The following PMPCB variants were observed in gnomAD, a reference collection of about 807,000 sequenced individuals.
The protein encoded by PMPCB is mitochondrial-processing peptidase subunit beta.
A neutral mutation model predicts 61.5 loss-of-function variants in PMPCB; 46 were observed. That is an observed-to-expected ratio of 0.75 (90% CI 0.59 to 0.96). The LOEUF (loss-of-function observed/expected upper bound fraction) is 0.96, where lower values mean the gene tolerates loss of function less well. PMPCB is among the 40% of genes least tolerant of loss of function. PMPCB has a pLI of 0.00. For missense variants in PMPCB, 590 were observed against 602.4 expected (o/e 0.98, Z 0.22); for synonymous variants, 191 against 201.6 (o/e 0.95, Z 0.44).
chr7:103,317,095 G>C (rs1818113531), downstream of PMPCB: 1 of 1,221,384 alleles, frequency 8.2e-7, no homozygotes, highest in East Asian at 2.3e-5. Flanking sequence ...GGGCTTTGTG[G>C]TCCTCAACTC....
chr7:103,314,358 A>C lies in PMPCB; in HGVS notation c.*2087A>C. Reference sequence around the variant, plus strand: ...TGGTGCCAGCTTGCTGTTTAATGGTACAACTGAAGAGGAAGGAGCCTTCCC... The same window carrying C: ...TGGTGCCAGCTTGCTGTTTAATGGTCCAACTGAAGAGGAAGGAGCCTTCCC... On this transcript the variant is annotated 3_prime_UTR_variant, in exon 13 of 13. Coordinates refer to ENST00000249269, the MANE Select transcript of PMPCB (RefSeq NM_004279.3). The C allele has an allele frequency of 1.0e-6, 1 of 985,434 alleles. No individual in the cohort carries two copies. Among genetic ancestry groups the C allele is most frequent in the Non-Finnish European group, 1.2e-6 (1 of 829,918 alleles). The allele number at this position is 985,434 out of a possible 1,614,324, so 61.0% of individuals were successfully genotyped here.
intron 12 of PMPCB, chr7:103,327,389 G>C (rs1818763440): frequency 8.7e-7 from 1 of 1,149,042 alleles, no homozygotes; most frequent in African/African-American, 1.6e-5. Flanking sequence ...CTGTTAAAAT[G>C]CAGATTTTAA....
At position 103,297,493 on chromosome 7, in the gene PMPCB, T is replaced by C; in HGVS notation, c.34T>C (p.Ser12Pro). The C allele has an allele frequency of 1.9e-6, 3 of 1,572,776 alleles. No individual in the cohort carries two copies. The highest frequency in any genetic ancestry group is 2.6e-6 in the Non-Finnish European group (3 of 1,158,826). The change falls in exon 1 of 13, where the codon TCC (serine) becomes CCC (proline). Residue 12 changes from serine to proline, a missense_variant. Coordinates refer to ENST00000249269, the MANE Select transcript of PMPCB (RefSeq NM_004279.3). ...TGCGGCGGCTCGAGTGGTGTTGTCA[T>C]CCGCGGCGCGGCGGCGGCTCTGGGG... ...AAAAARVVLS[S>P]AARRRLWGFS...
Position 103,313,959 on chromosome 7 carries a change from T to C in PMPCB, c.*1688T>C, listed in dbSNP as rs546614936. The C allele has an allele frequency of 3.0e-6, 3 of 985,406 alleles. No individual in the cohort carries two copies. The highest frequency in any genetic ancestry group is 2.3e-4 in the East Asian group (2 of 8,818). 61.0% of individuals were successfully genotyped at this position (985,406 alleles called of 1,614,324 possible). A position where few individuals can be genotyped will look rare whatever the true frequency, so the allele number is the denominator to read the frequency against. ...CAGTAGCCTGACTACTACTAGAAAC[T>C]GCGGCCTGTGAGATCTGTTAAAAGT... On this transcript the variant is annotated 3_prime_UTR_variant, in exon 13 of 13. Transcript: ENST00000249269.
At chr7:103,340,974 T>G in the PMPCB span, among the ~76,000 whole-genome samples, 2 of 152,160 alleles carry the variant, frequency 1.3e-5, no homozygotes, top group African/African-American at 4.8e-5. Flanking sequence ...GACCACACAC[T>G]CTAGCAGGTC....
At chr7:103,324,627 A>G (rs1818604273) in intron 12 of PMPCB, 17 of 1,252,932 alleles carry the variant, frequency 1.4e-5, no homozygotes, top group Non-Finnish European at 1.8e-5. Flanking sequence ...TCAACAAACA[A>G]TTTAATTTAT....
chr7:103,305,828 C>T (rs900280325), intron 6 of PMPCB, among the ~76,000 whole-genome samples: 1 of 152,154 alleles, frequency 6.6e-6, no homozygotes, highest in Admixed American at 6.5e-5. Flanking sequence ...CTCTTGCAGA[C>T]TTGGGCTTAA....
rs1201816294 is a variant in PMPCB at position 103,304,507 on chromosome 7, T to G, written c.736+17T>G. On this transcript the variant is annotated intron_variant, in intron 6 of 12. Transcript: ENST00000249269. ...CTGCTGGAGGTTAGTCAATTTAAAT[T>G]TCTACAAATGTTTTAAACACAGTTG... is the stretch of plus-strand genomic sequence containing the variant. The G allele has an allele frequency of 3.3e-6, 5 of 1,535,060 alleles. No homozygotes were observed. The East Asian group carries it at 1.1e-4, about 34-fold the overall frequency.
chr7:103,314,148 A>T lies in PMPCB; in HGVS notation c.*1877A>T. ...TGAAGGTAGCTTTTAAGTTCTAGGA[A>T]GTCTTTTGTTGAATTTCCTTGTATT... On this transcript the variant is annotated 3_prime_UTR_variant, in exon 13 of 13. Coordinates refer to ENST00000249269, the MANE Select transcript of PMPCB (RefSeq NM_004279.3). The T allele has an allele frequency of 1.0e-6, 1 of 985,444 alleles. No homozygotes were observed. The highest frequency in any genetic ancestry group is 1.2e-6 in the Non-Finnish European group (1 of 829,924). 61.0% of individuals were successfully genotyped at this position (985,444 alleles called of 1,614,324 possible).
rs1466432867 is a variant in PMPCB at position 103,313,743 on chromosome 7, T to C, written c.*1472T>C. Reference sequence around the variant, plus strand: ...ATTGTGGTTCTTCAACTAAACCTTGTATATTTCAGAAAACATCTAAGATGT... The same window carrying C: ...ATTGTGGTTCTTCAACTAAACCTTGCATATTTCAGAAAACATCTAAGATGT... On this transcript the variant is annotated 3_prime_UTR_variant, in exon 13 of 13. Coordinates refer to ENST00000249269, the MANE Select transcript of PMPCB (RefSeq NM_004279.3). The C allele has an allele frequency of 1.0e-6, 1 of 985,178 alleles. No individual in the cohort carries two copies. Among genetic ancestry groups the C allele is most frequent in the Admixed American group, 6.1e-5 (1 of 16,276 alleles). 61.0% of individuals were successfully genotyped at this position (985,178 alleles called of 1,614,324 possible).
Position 103,300,301 on chromosome 7 carries a change from C to G in PMPCB, c.451C>G (p.Pro151Ala). The G allele has an allele frequency of 1.2e-6, 2 of 1,601,604 alleles. No individual in the cohort carries two copies. The highest frequency in any genetic ancestry group is 1.7e-6 in the Non-Finnish European group (2 of 1,173,558). Residue 151 changes from proline (P) to alanine (A), a missense_variant, in exon 4 of 13, where the codon CCA becomes GCA. Pro to Ala is a conservative substitution (Grantham distance 27). Transcript: ENST00000249269. ...YYAKAFSKDL[P>A]RAVEILADII... is the part of the protein sequence containing the mutation. ...TGCCAAAGCATTCTCTAAAGACTTG[C>G]CAAGAGGTACTGTTATTATTTATAC... is the stretch of plus-strand genomic sequence containing the variant.
At chr7:103,303,805 T>A (rs1051794809) in intron 4 of PMPCB, 37 bp from the exon 5 acceptor site, 2 of 1,456,140 alleles carry the variant, frequency 1.4e-6, no homozygotes, top group African/African-American at 2.9e-5. Context: ...AAAGTTAAGA[T>A]TGCTGGCACG....
At chr7:103,319,795 T>A in intron 12 of PMPCB, 1 of 1,614,172 alleles carries the variant, frequency 6.2e-7, no homozygotes, top group Non-Finnish European at 8.5e-7. Context: ...TTCCACTTCT[T>A]CCATCATTTT....
At chr7:103,315,909 C>T (rs1033877343), downstream of PMPCB, 2 of 1,540,204 alleles carry the variant, frequency 1.3e-6, no homozygotes, top group Non-Finnish European at 8.9e-7. Context: ...AACAGATCAT[C>T]ATTTAATCTT....
chr7:103,319,816 G>T, intron 12 of PMPCB: 5 of 1,614,128 alleles, frequency 3.1e-6, no homozygotes, highest in Non-Finnish European at 4.2e-6. Context: ...AACCCGCTCT[G>T]CCTCATTATC....
chr7:103,300,126 G>C (rs372581194), intron 3 of PMPCB, 52 bp from the exon 4 acceptor site: 9 of 1,525,886 alleles, frequency 5.9e-6, no homozygotes, highest in East Asian at 4.5e-5. Flanking sequence ...AAGTAGAATA[G>C]ATGAAGTATA....
chr7:103,309,079 C>T lies in PMPCB; in HGVS notation c.977C>T (p.Ser326Phe), dbSNP rs1563448874. ...ACGCTGATTGGCAACTGGGATCGCT[C>T]TTTTGGGGGAGGAATGGTAAGTGAT... ...ANTLIGNWDR[S>F]FGGGMNLSSK... The change falls in exon 8 of 13, where the codon TCT becomes TTT. Residue 326 changes from serine to phenylalanine, a missense_variant. Transcript: ENST00000249269. The T allele has an allele frequency of 1.2e-6, 2 of 1,602,604 alleles. No homozygotes were observed. The highest frequency in any genetic ancestry group is 1.7e-5 in the Admixed American group (1 of 58,114).
At chr7:103,332,332 C>G (rs1819011189), downstream of PMPCB, among the ~76,000 whole-genome samples, 1 of 152,270 alleles carries the variant, frequency 6.6e-6, no homozygotes, top group South Asian at 2.1e-4. Context: ...AACATTTTAA[C>G]TGGTTTTTCT....
At chr7:103,298,835 T>A (rs1817367965) in intron 2 of PMPCB, 127 bp downstream of exon 2, 4 of 828,926 alleles carry the variant, frequency 4.8e-6, no homozygotes, top group Admixed American at 2.6e-5. Flanking sequence ...CCTTGACAGA[T>A]TTCCATGAGT....
Sources: gnomAD v4.1 joint callset for allele counts (sites outside exome capture counted in the v4.1 genomes callset) on GRCh38, gnomAD v4.1.1 for gene constraint, MANE v1.5 for transcripts, NCBI Gene and HGNC (gene_info 2026-07-23, HGNC 2026-07-21) for gene names.